AKIRIN2: variants seen among roughly 807,000 people sequenced by gnomAD.
AKIRIN2 encodes the protein akirin-2.
AKIRIN2 carries 6 observed loss-of-function variants against 29.3 expected under a neutral mutation model. That is an observed-to-expected ratio of 0.20 (90% confidence interval 0.11 to 0.40). The LOEUF is 0.40. AKIRIN2 is among the 10% of genes least tolerant of loss of function. The pLI is 1.00. For synonymous variants in AKIRIN2, 128 were observed against 117.5 expected (o/e 1.09, Z -0.58); for missense variants, 210 against 276.1 (o/e 0.76, Z 1.70).
intron 1 of AKIRIN2, 84 bp from the exon 2 acceptor site, chr6:87,681,847 CA>C (rs1356811343): frequency 1.8e-6 from 2 of 1,141,374 alleles, no homozygotes; most frequent in Non-Finnish European, 2.4e-6. Flanking sequence ...TTTAGTAGAC[CA>C]ATCTACCCAA....
intron 2 of AKIRIN2, among the ~76,000 whole-genome samples, chr6:87,679,675 T>C (rs1562396979): frequency 1.3e-5 from 2 of 152,184 alleles, no homozygotes; most frequent in South Asian, 2.1e-4. Context: ...CTCTATACCA[T>C]AGAACTACAC....
intron 1 of AKIRIN2, among the ~76,000 whole-genome samples, chr6:87,691,144 G>A (rs542684934): frequency 8.6e-5 from 13 of 151,994 alleles, no homozygotes; most frequent in African/African-American, 2.7e-4. Context: ...AAGATCTGAC[G>A]ATAAAAAGTC....
chr6:87,686,085 G>A (rs1006235462), intron 1 of AKIRIN2, among the ~76,000 whole-genome samples: 2 of 152,026 alleles, frequency 1.3e-5, no homozygotes, highest in Non-Finnish European at 2.9e-5. Context: ...TGTGGTGGCG[G>A]GCCCCTGTAA....
chr6:87,676,007 T>C (rs754906679), intron 3 of AKIRIN2, 76 bp from the exon 4 acceptor site: 65 of 1,234,830 alleles, frequency 5.3e-5, no homozygotes, highest in Admixed American at 4.1e-4. Flanking sequence ...ACACAAAATA[T>C]ACAGTAAAAC....
At chr6:87,681,460 T>C (rs1259873901) in intron 2 of AKIRIN2, among the ~76,000 whole-genome samples, 160 bp downstream of exon 2, 1 of 152,238 alleles carries the variant, frequency 6.6e-6, no homozygotes, top group Non-Finnish European at 1.5e-5. Context: ...TAACTCCTTA[T>C]TTTGTACCAT....
intron 1 of AKIRIN2, among the ~76,000 whole-genome samples, chr6:87,686,413 C>T (rs923509243): frequency 6.6e-6 from 1 of 151,810 alleles, no homozygotes; most frequent in East Asian, 1.9e-4. Flanking sequence ...AAGGGAAGAA[C>T]ATGGAATTAG....
chr6:87,695,553 T>C (rs1408394790), intron 1 of AKIRIN2, among the ~76,000 whole-genome samples: 1 of 152,182 alleles, frequency 6.6e-6, no homozygotes, highest in Non-Finnish European at 1.5e-5. Context: ...TTCACATATA[T>C]AGAGAACGTT....
chr6:87,701,227 C>G (rs79765233), intron 1 of AKIRIN2, among the ~76,000 whole-genome samples: 4,769 of 152,204 alleles, frequency 0.031, 252 homozygotes, highest in African/African-American at 0.11. Context: ...AAAGCCCCTA[C>G]CCACCTCCAA....
intron 4 of AKIRIN2, 47 bp downstream of exon 4, chr6:87,675,813 A>G: frequency 6.4e-7 from 1 of 1,559,078 alleles, no homozygotes; most frequent in Non-Finnish European, 8.8e-7. Context: ...TTCTCCTTAA[A>G]AGACAGTCTT....
Position 87,702,019 on chromosome 6 carries a change from T to C in AKIRIN2, c.-335A>G, listed in dbSNP as rs1771478011. The stretch of plus-strand genomic sequence containing the variant: ...CCGCCCCCGCCGTCCGCTCGAGCTT[T>C]GCGCCGCGCCTGAGGCGCTTCTGTG... On this transcript the variant is annotated 5_prime_UTR_variant, in exon 1 of 5. Coordinates refer to ENST00000257787, the MANE Select transcript of AKIRIN2 (RefSeq NM_018064.4). 2.5e-6 allele frequency: 1 copy of C among 404,164 alleles called. No individual in the cohort carries two copies. Among genetic ancestry groups the C allele is most frequent in the African/African-American group, 2.1e-5 (1 of 48,740 alleles). The allele number at this position is 404,164 out of a possible 1,614,324, so 25.0% of individuals were successfully genotyped here. A position where few individuals can be genotyped will look rare whatever the true frequency, so the allele number is the denominator to read the frequency against.
chr6:87,696,682 CAG>C (rs1771370769), intron 1 of AKIRIN2, among the ~76,000 whole-genome samples: 1 of 110,184 alleles, frequency 9.1e-6, no homozygotes, highest in South Asian at 3.1e-4. Context: ...GCCTGGGGGA[CAG>C]AGTGAGACTC....
chr6:87,697,571 CAATGT>C (rs1261697560), intron 1 of AKIRIN2, among the ~76,000 whole-genome samples: 1 of 152,206 alleles, frequency 6.6e-6, no homozygotes, highest in African/African-American at 2.4e-5. Flanking sequence ...ACTTCTGGCT[CAATGT>C]AAATGACATC....
At chr6:87,691,268 C>T (rs1376925511) in intron 1 of AKIRIN2, among the ~76,000 whole-genome samples, 5 of 151,690 alleles carry the variant, frequency 3.3e-5, no homozygotes, top group Non-Finnish European at 5.9e-5. Context: ...CATGGTGAAA[C>T]TGTCTCTACT....
At chr6:87,700,173 T>C (rs1395822581) in intron 1 of AKIRIN2, among the ~76,000 whole-genome samples, 1 of 151,964 alleles carries the variant, frequency 6.6e-6, no homozygotes, top group African/African-American at 2.4e-5. Context: ...TAAAACAGTA[T>C]GTCCTTAAAT....
At chr6:87,689,032 G>A (rs1771235795) in intron 1 of AKIRIN2, among the ~76,000 whole-genome samples, 1 of 152,192 alleles carries the variant, frequency 6.6e-6, no homozygotes. Context: ...TCCTCCTGCA[G>A]GGAAGATAAA....
intron 3 of AKIRIN2, 135 bp from the exon 4 acceptor site, chr6:87,676,066 T>C (rs1331838048): frequency 4.5e-6 from 3 of 662,786 alleles, no homozygotes; most frequent in Non-Finnish European, 7.6e-6. Context: ...GTACTAATAG[T>C]GTATCAAATA....
chr6:87,692,887 T>C (rs1384336983), intron 1 of AKIRIN2, among the ~76,000 whole-genome samples: 2 of 152,010 alleles, frequency 1.3e-5, no homozygotes, highest in Non-Finnish European at 2.9e-5. Flanking sequence ...GTACTATGCA[T>C]AATTTATACT....
At chr6:87,697,213 T>C (rs571416766) in intron 1 of AKIRIN2, among the ~76,000 whole-genome samples, 1 of 150,860 alleles carries the variant, frequency 6.6e-6, no homozygotes, top group East Asian at 1.9e-4. Flanking sequence ...CTCCAGAGGC[T>C]GAGGCTCGAG....
chr6:87,687,267 G>A (rs1205009911), intron 1 of AKIRIN2, among the ~76,000 whole-genome samples: 1 of 148,534 alleles, frequency 6.7e-6, no homozygotes, highest in Non-Finnish European at 1.5e-5. Flanking sequence ...CTTGGGCAGG[G>A]CGTGGTGGCT....
Sources: allele counts gnomAD v4.1 joint callset (sites outside exome capture counted in the v4.1 genomes callset), GRCh38; gene constraint gnomAD v4.1.1; transcripts MANE v1.5; gene names NCBI Gene and HGNC (gene_info 2026-07-23, HGNC 2026-07-21).